FADS3: variants seen among roughly 807,000 people sequenced by gnomAD.
FADS3 encodes the protein cytochrome b5-related protein.
A neutral mutation model predicts 60.4 loss-of-function variants in FADS3; 30 were observed. The observed-to-expected ratio is 0.50, with a 90% CI of 0.37 to 0.67. FADS3 has a LOEUF of 0.67. Ranked by LOEUF, FADS3 falls within the 30% of genes least tolerant of loss-of-function variation. The pLI is 0.00. For missense variants in FADS3, 432 were observed against 598.3 expected, an observed-to-expected ratio of 0.72 and a Z score of 2.90; for synonymous variants, 234 against 249.3, an observed-to-expected ratio of 0.94 and a Z score of 0.58.
Position 61,875,903 on chromosome 11 carries a change from C to T in FADS3, c.1234G>A (p.Gly412Ser), listed in dbSNP as rs371188401. The T allele has an allele frequency of 2.3e-5, 37 of 1,613,800 alleles. No individual in the cohort carries two copies. Among genetic ancestry groups the T allele is most frequent in the South Asian group, 1.4e-4 (13 of 91,086 alleles). ...AAGGGCTTCACTTCGTAGCTGAGGC[C>T]GTGCTTGGCACACAGCGACTTGACC... ...PLVKSLCAKH[G>S]LSYEVKPFLT... The change falls in exon 11 of 12, where the codon GGC (glycine) becomes AGC (serine). Residue 412 changes from glycine to serine, a missense_variant. Transcript: ENST00000278829.
At chr11:61,878,094 G>A in intron 6 of FADS3, 61 bp downstream of exon 6, 1 of 1,484,576 alleles carries the variant, frequency 6.7e-7, no homozygotes, top group Non-Finnish European at 9.4e-7. Context: ...GTCCAGGACA[G>A]CAGGGAGGAC....
At chr11:61,880,236 C>A in intron 1 of FADS3, 85 bp from the exon 2 acceptor site, 1 of 1,087,590 alleles carries the variant, frequency 9.2e-7, no homozygotes. Context: ...GGAAGGACTA[C>A]GGATGGATGG....
intron 1 of FADS3, among the ~76,000 whole-genome samples, chr11:61,889,515 C>T (rs1437343886): frequency 2.6e-5 from 4 of 152,066 alleles, no homozygotes; most frequent in East Asian, 2.0e-4. Context: ...GGCGTGGTGG[C>T]GCGTGCCCGT....
intron 2 of FADS3, 113 bp from the exon 3 acceptor site, chr11:61,879,622 G>T: frequency 9.5e-7 from 1 of 1,057,572 alleles, no homozygotes; most frequent in Non-Finnish European, 1.4e-6. Context: ...GGGCAAAGAG[G>T]AATGAAGTGA....
chr11:61,891,121 G>T, intron 1 of FADS3, 48 bp downstream of exon 1: 1 of 1,479,004 alleles, frequency 6.8e-7, no homozygotes, highest in Non-Finnish European at 9.2e-7. Context: ...CCACGACCGA[G>T]CTCCAGGCTC....
chr11:61,878,281 C>A, intron 5 of FADS3, 66 bp from the exon 6 acceptor site: 1 of 1,556,308 alleles, frequency 6.4e-7, no homozygotes. Context: ...CGGGCAAGGT[C>A]ACGGGGCTGG....
In FADS3 at chr11:61,877,538, C is replaced by T. The variant is rs369043120; in HGVS notation, c.858G>A (p.Ala286=). 2.2e-5 allele frequency: 35 copies of T among 1,613,640 alleles called. No homozygotes were observed. Among genetic ancestry groups the T allele is most frequent in the South Asian group, 7.7e-5 (7 of 91,090 alleles). Residue 286 remains alanine (A), a synonymous_variant, in exon 7 of 12, where the codon GCG becomes GCA. Transcript: ENST00000278829. The surrounding 1 kb of genome is among the most constrained non-coding windows in gnomAD (Gnocchi z 4.7). The part of the protein sequence containing the change: ...TLVNFEVENL[A]YMLVCMQWAD... ...CCCACTGCATGCACACCAGCATGTA[C>T]GCCAGATTTTCCACTTCAAAGTTCA...
chr11:61,888,840 C>A (rs965226179), intron 1 of FADS3, among the ~76,000 whole-genome samples: 5 of 152,188 alleles, frequency 3.3e-5, no homozygotes, highest in African/African-American at 9.6e-5. Flanking sequence ...GCTTCAAGGT[C>A]GCTCAGTGCC....
chr11:61,877,268 A>G lies in FADS3; in HGVS notation c.885+243T>C, dbSNP rs566151717. 1.3e-4 allele frequency: 62 copies of G among 493,952 alleles called. No homozygotes were observed. Among genetic ancestry groups the G allele is most frequent in the African/African-American group, 1.2e-3 (59 of 49,376 alleles). 30.6% of individuals were successfully genotyped at this position (493,952 alleles called of 1,614,324 possible). A position where few individuals can be genotyped will look rare whatever the true frequency, so the allele number is the denominator to read the frequency against. ...CAACTCCTCCTGGGAAGACACCCTC[A>G]CCGAGAGAGACCCACACCCCCCCTG... is the stretch of plus-strand genomic sequence containing the variant. On this transcript the variant is annotated intron_variant, in intron 7 of 11. Transcript: ENST00000278829. The surrounding 1 kb of genome is among the most constrained non-coding windows in gnomAD (Gnocchi z 4.7).
In FADS3 at chr11:61,876,258, C is replaced by A; in HGVS notation, c.1081-68G>T. The A allele has an allele frequency of 6.4e-7, 1 of 1,574,312 alleles. No homozygotes were observed. The highest frequency in any genetic ancestry group is 2.3e-5 in the East Asian group (1 of 43,160). Reference sequence around the variant, plus strand: ...ATCCCTGACCCCACGGCACCATCCCCCACCTGGCAGCCCCGTCAGGGCCTC... The same window carrying A: ...ATCCCTGACCCCACGGCACCATCCCACACCTGGCAGCCCCGTCAGGGCCTC... On this transcript the variant is annotated intron_variant, in intron 9 of 11. Coordinates refer to ENST00000278829, the MANE Select transcript of FADS3 (RefSeq NM_021727.5). The surrounding 1 kb of genome is among the most constrained non-coding windows in gnomAD (Gnocchi z 5.7).
chr11:61,876,254 T>TCC lies in FADS3; in HGVS notation c.1081-66_1081-65dup. On this transcript the variant is annotated intron_variant, in intron 9 of 11. Transcript: ENST00000278829. The surrounding 1 kb of genome is among the most constrained non-coding windows in gnomAD (Gnocchi z 5.7). ...GCAGATCCCTGACCCCACGGCACCA[T>TCC]CCCCCACCTGGCAGCCCCGTCAGGG... is the stretch of plus-strand genomic sequence containing the variant. 6.4e-7 allele frequency: 1 copy of TCC among 1,572,456 alleles called. No homozygotes were observed. The highest frequency in any genetic ancestry group is 1.1e-5 in the South Asian group (1 of 87,788).
chr11:61,880,254 A>AG, intron 1 of FADS3, 103 bp from the exon 2 acceptor site: 1 of 874,182 alleles, frequency 1.1e-6, no homozygotes, highest in Non-Finnish European at 1.8e-6. Context: ...TGGGCAGAGC[A>AG]GACGACAGGC....
rs1489554088 is a variant in FADS3, at chr11:61,875,902, C to T, written c.1235G>A (p.Gly412Asp). Residue 412 changes from glycine (G) to aspartate (D), a missense_variant, in exon 11 of 12, where the codon GGC becomes GAC. Coordinates refer to ENST00000278829, the MANE Select transcript of FADS3 (RefSeq NM_021727.5). ...GAAGGGCTTCACTTCGTAGCTGAGG[C>T]CGTGCTTGGCACACAGCGACTTGAC... ...PLVKSLCAKH[G>D]LSYEVKPFLT... is the part of the protein sequence containing the mutation. 1 of 1,613,820 alleles carries T rather than the reference C, an allele frequency of 6.2e-7. No homozygotes were observed. The highest frequency in any genetic ancestry group is 8.5e-7 in the Non-Finnish European group (1 of 1,180,030).
At position 61,875,939 on chromosome 11, in the gene FADS3, C is replaced by T. The variant is rs960189633; in HGVS notation, c.1198G>A (p.Val400Met). 3 of 1,613,662 alleles carry T rather than the reference C, an allele frequency of 1.9e-6. No individual in the cohort carries two copies. Among genetic ancestry groups the T allele is most frequent in the South Asian group, 2.2e-5 (2 of 91,094 alleles). The change falls in exon 11 of 12, where the codon GTG becomes ATG. Residue 400 changes from valine (V) to methionine (M), a missense_variant. Around this residue, in one of 5 missense-constraint regions of FADS3, gnomAD observed 63 missense variants for 64.5 expected, o/e 0.98. Transcript: ENST00000278829. ...PRMPRHNYSR[V>M]APLVKSLCAK... ...CACAGCGACTTGACCAGCGGGGCCA[C>T]CCGGCTGTAGTTGTGTCTCGGCATC...
At chr11:61,885,000 C>T (rs910521934) in intron 1 of FADS3, among the ~76,000 whole-genome samples, 1 of 152,202 alleles carries the variant, frequency 6.6e-6, no homozygotes. Context: ...GGGGCACGAA[C>T]CATTTTGCTG....
rs1180893147 is a variant in FADS3 at position 61,876,245 on chromosome 11, A to G, written c.1081-55T>C. 1.3e-6 allele frequency: 2 copies of G among 1,574,352 alleles called. No homozygotes were observed. Among genetic ancestry groups the G allele is most frequent in the Admixed American group, 3.7e-5 (2 of 54,420 alleles). On this transcript the variant is annotated intron_variant, in intron 9 of 11. Coordinates refer to ENST00000278829, the MANE Select transcript of FADS3 (RefSeq NM_021727.5). The surrounding 1 kb of genome is among the most constrained non-coding windows in gnomAD (Gnocchi z 5.7). ...GAGGCCGTTGCAGATCCCTGACCCC[A>G]CGGCACCATCCCCCACCTGGCAGCC...
At chr11:61,880,316 GTCCTC>G in intron 1 of FADS3, 165 bp from the exon 2 acceptor site, 2 of 567,362 alleles carry the variant, frequency 3.5e-6, no homozygotes, top group Non-Finnish European at 6.3e-6. Context: ...GCCCTCCCTG[GTCCTC>G]CCAGGGCCCC....
chr11:61,884,411 G>A (rs1202294227), intron 1 of FADS3, among the ~76,000 whole-genome samples: 6 of 152,142 alleles, frequency 3.9e-5, no homozygotes, highest in Non-Finnish European at 8.8e-5. Flanking sequence ...AACCACCATG[G>A]CACATGTATA....
intron 1 of FADS3, among the ~76,000 whole-genome samples, chr11:61,885,618 G>C (rs1020927276): frequency 5.3e-5 from 8 of 152,214 alleles, no homozygotes; most frequent in African/African-American, 2.4e-5. Context: ...GGAGAGAGGA[G>C]GGGCTGGCAG....
Sources: allele counts gnomAD v4.1 joint callset (sites outside exome capture counted in the v4.1 genomes callset), GRCh38; gene constraint gnomAD v4.1.1; regional missense constraint gnomAD v4.1.1; non-coding constraint Gnocchi (gnomAD v3.1); transcripts MANE v1.5; gene names NCBI Gene and HGNC (gene_info 2026-07-23, HGNC 2026-07-21).